The following OTOF variants were observed in gnomAD, a reference collection of about 807,000 sequenced individuals.
The protein encoded by OTOF is otoferlin, also known as fer-1-like family member 2.
In OTOF, 218 loss-of-function variants were observed where a neutral mutation model predicts 236.8. The ratio of observed to expected loss-of-function variants is 0.92; its 90% CI spans 0.82 to 1.03. The LOEUF is 1.03. Among genes scored for constraint, OTOF ranks in the 50% least tolerant of loss-of-function variants. The pLI is 0.00. For missense variants in OTOF, 2,590 were observed against 2,694.4 expected, an observed-to-expected ratio of 0.96 and a Z score of 0.86; for synonymous variants, 1,041 against 1,072.5, an observed-to-expected ratio of 0.97 and a Z score of 0.57.
At chr2:26,552,316 G>T (rs1667482302) in intron 1 of OTOF, among the ~76,000 whole-genome samples, 1 of 152,178 alleles carries the variant, frequency 6.6e-6, no homozygotes. Flanking sequence ...CTTGAACCCA[G>T]GAGGTTGAGG....
At chr2:26,469,395 C>T (rs886910502) in intron 32 of OTOF, among the ~76,000 whole-genome samples, 1 of 152,212 alleles carries the variant, frequency 6.6e-6, no homozygotes, top group Admixed American at 6.5e-5. Flanking sequence ...CAGTTGTCCT[C>T]AATGATCTGT....
intron 4 of OTOF, 32 bp from the exon 5 acceptor site, chr2:26,516,631 G>T (rs1198196128): frequency 6.3e-7 from 1 of 1,598,298 alleles, no homozygotes; most frequent in East Asian, 2.2e-5. Flanking sequence ...TGAGCAGCTG[G>T]GATGGTGACA....
chr2:26,530,835 C>T (rs184915585), intron 2 of OTOF, among the ~76,000 whole-genome samples: 2 of 152,178 alleles, frequency 1.3e-5, no homozygotes, highest in Admixed American at 6.5e-5. Context: ...GCCTGGAGAC[C>T]GATCAAGCCG....
At chr2:26,518,758 T>A (rs1487717548) in intron 4 of OTOF, among the ~76,000 whole-genome samples, 1 of 152,204 alleles carries the variant, frequency 6.6e-6, no homozygotes, top group Non-Finnish European at 1.5e-5. Flanking sequence ...GAAGGACCAG[T>A]TGGTGCATTC....
chr2:26,459,532 A>G (rs1405831351), intron 46 of OTOF, among the ~76,000 whole-genome samples: 2 of 146,910 alleles, frequency 1.4e-5, no homozygotes, highest in African/African-American at 5.1e-5. Context: ...AGCCTGGGCG[A>G]CAGAGCGAGA....
Position 26,537,735 on chromosome 2 carries a change from T to C in OTOF, c.119A>G (p.Asp40Gly). 1 of 1,555,294 alleles carries C rather than the reference T, an allele frequency of 6.4e-7. No individual in the cohort carries two copies. The highest frequency in any genetic ancestry group is 8.7e-7 in the Non-Finnish European group (1 of 1,148,608). The change falls in exon 2 of 47, where the codon GAT becomes GGT. Residue 40 changes from aspartate (D) to glycine (G), a missense_variant. By Grantham distance (94) the Asp-to-Gly change is moderately conservative. Coordinates refer to ENST00000272371, the MANE Select transcript of OTOF (RefSeq NM_194248.3). ...TCCTACCTCATCAAAGTCAGCCACA[T>C]CCTCACAGTTCTCCAGGACCCGAGA... is the stretch of plus-strand genomic sequence containing the variant. ...FYSRVLENCE[D>G]VADFDETFRW... is the part of the protein sequence containing the mutation.
chr2:26,488,524 C>T (rs971516773), intron 11 of OTOF, among the ~76,000 whole-genome samples: 4 of 152,222 alleles, frequency 2.6e-5, no homozygotes, highest in Non-Finnish European at 5.9e-5. Context: ...CTACAGGACG[C>T]CACGGAGCAC....
At chr2:26,525,063 C>T (rs1191072753) in intron 3 of OTOF, among the ~76,000 whole-genome samples, 1 of 152,192 alleles carries the variant, frequency 6.6e-6, no homozygotes, top group Non-Finnish European at 1.5e-5. Flanking sequence ...GGTATCTCAC[C>T]CCAGGGAAGA....
At chr2:26,519,193 C>G in intron 3 of OTOF, 84 bp from the exon 4 acceptor site, 1 of 941,072 alleles carries the variant, frequency 1.1e-6, no homozygotes, top group Middle Eastern at 2.2e-4. Flanking sequence ...GCTGTGACTG[C>G]TTGGGGAGGA....
intron 31 of OTOF, 117 bp downstream of exon 31, chr2:26,471,004 C>T (rs1355766494): frequency 3.0e-6 from 4 of 1,354,632 alleles, no homozygotes; most frequent in Non-Finnish European, 3.2e-6. Context: ...GGTGTGCTGG[C>T]CCAAGCATGC....
At chr2:26,507,468 T>C (rs575740382) in intron 5 of OTOF, among the ~76,000 whole-genome samples, 1 of 152,374 alleles carries the variant, frequency 6.6e-6, no homozygotes, top group Admixed American at 6.5e-5. Context: ...TCAGGGAATT[T>C]TGAAGATTAT....
At position 26,473,997 on chromosome 2, in the gene OTOF, T is replaced by C. The variant is rs765067528; in HGVS notation, c.3402A>G (p.Arg1134=). Residue 1134 remains arginine, a synonymous_variant, in exon 27 of 47, where the codon CGA becomes CGG. Transcript: ENST00000272371. The surrounding 1 kb of genome is among the most constrained non-coding windows in gnomAD (Gnocchi z 7.2). ...MGIRPVLSKY[R]VEVLFWGLRD... ...CCACACAGAGCCCTCGCACCTCCAC[T>C]CGGTACTTGCTGAGCACGGGCCGGA... 6.2e-7 allele frequency: 1 copy of C among 1,612,864 alleles called. No homozygotes were observed.
chr2:26,504,888 C>T (rs1572458542), intron 5 of OTOF, among the ~76,000 whole-genome samples: 1 of 152,324 alleles, frequency 6.6e-6, no homozygotes, highest in African/African-American at 2.4e-5. Flanking sequence ...CAGGTGTAGG[C>T]TCCAACCTGG....
At chr2:26,538,044 G>C (rs1667118064) in intron 1 of OTOF, among the ~76,000 whole-genome samples, 1 of 152,178 alleles carries the variant, frequency 6.6e-6, no homozygotes, top group African/African-American at 2.4e-5. Context: ...GCCCAGGCTG[G>C]TCAGAGTGGC....
At chr2:26,480,602 C>T (rs1051997455) in intron 15 of OTOF, among the ~76,000 whole-genome samples, 184 bp downstream of exon 15, 1 of 152,158 alleles carries the variant, frequency 6.6e-6, no homozygotes, top group Admixed American at 6.5e-5. Context: ...AGGCAGTGGA[C>T]GAGGGCAGAG....
intron 5 of OTOF, among the ~76,000 whole-genome samples, chr2:26,510,187 C>T (rs979352434): frequency 1.3e-5 from 2 of 152,108 alleles, no homozygotes; most frequent in East Asian, 1.9e-4. Flanking sequence ...TAGAGAGGGC[C>T]GCCCAAATGG....
In OTOF at chr2:26,465,835, C is replaced by T; in HGVS notation, c.4636G>A (p.Asp1546Asn). Reference sequence around the variant, plus strand: ...TCCATGGGGAAGGAGGCCTCGATGTCAAAGGACCTGGTGGGGTGGAGTTAG... The same window carrying T: ...TCCATGGGGAAGGAGGCCTCGATGTTAAAGGACCTGGTGGGGTGGAGTTAG... ...QLNPVFGKSF[D>N]IEASFPMESM... The change falls in exon 38 of 47, where the codon GAC becomes AAC. Residue 1546 changes from aspartate (D) to asparagine (N), a missense_variant. By Grantham distance (23) the Asp-to-Asn change is conservative (BLOSUM62 1). Around this residue, in one of 2 missense-constraint regions of OTOF, gnomAD observed 1,211 missense variants for 1,352.8 expected, o/e 0.90. Transcript: ENST00000272371. The T allele has an allele frequency of 6.2e-7, 1 of 1,614,196 alleles. No homozygotes were observed. The highest frequency in any genetic ancestry group is 8.5e-7 in the Non-Finnish European group (1 of 1,180,036).
intron 12 of OTOF, among the ~76,000 whole-genome samples, chr2:26,484,178 C>G (rs1248198994): frequency 6.6e-6 from 1 of 152,242 alleles, no homozygotes; most frequent in Admixed American, 6.5e-5. Flanking sequence ...GCTCTCCCAG[C>G]ACTTCCTGCT....
intron 2 of OTOF, among the ~76,000 whole-genome samples, chr2:26,531,660 T>C (rs1262434508): frequency 6.6e-6 from 1 of 152,132 alleles, no homozygotes; most frequent in Non-Finnish European, 1.5e-5. Flanking sequence ...TTTTTCATTG[T>C]CTCCTCATTT....
Sources: allele counts gnomAD v4.1 joint callset (sites outside exome capture counted in the v4.1 genomes callset), GRCh38; gene constraint gnomAD v4.1.1; regional missense constraint gnomAD v4.1.1; non-coding constraint Gnocchi (gnomAD v3.1); transcripts MANE v1.5; gene names NCBI Gene and HGNC (gene_info 2026-07-23, HGNC 2026-07-21).